Variants in COL15A1 observed in about 807,000 individuals in gnomAD.
The protein encoded by COL15A1 is collagen alpha-1(XV) chain.
In COL15A1, 111 loss-of-function variants were observed where a neutral mutation model predicts 165.9. The observed-to-expected ratio is 0.67, with a 90% CI of 0.57 to 0.78. The LOEUF is 0.78. Ranked by LOEUF, COL15A1 falls within the 30% of genes least tolerant of loss-of-function variation. The pLI is 0.00. For missense variants in COL15A1, 1,745 were observed against 1,789.7 expected (o/e 0.98, Z 0.45); for synonymous variants, 659 against 674.8 (o/e 0.98, Z 0.36).
rs761706787 is a variant in COL15A1, at chr9:98,987,369, G to A, written c.723+1G>A. 1.2e-6 allele frequency: 2 copies of A among 1,609,540 alleles called. No individual in the cohort carries two copies. Among genetic ancestry groups the A allele is most frequent in the African/African-American group, 2.7e-5 (2 of 74,680 alleles). On this transcript the variant is annotated splice_donor_variant, in intron 4 of 41. Coordinates refer to ENST00000375001, the MANE Select transcript of COL15A1 (RefSeq NM_001855.5). LOFTEE classifies it high-confidence loss of function. ...GCTGTGTGACCCTGAAGAGTCCTCG[G>A]TGAGCTCCCCTACTATCCCACAGTG...
At chr9:98,977,839 G>A (rs1838165932) in intron 2 of COL15A1, among the ~76,000 whole-genome samples, 2 of 152,234 alleles carry the variant, frequency 1.3e-5, no homozygotes, top group South Asian at 2.1e-4. Flanking sequence ...AAGTGGGCAG[G>A]GACCTCCCCT....
intron 8 of COL15A1, 103 bp from the exon 9 acceptor site, chr9:99,004,795 G>C: frequency 7.8e-7 from 1 of 1,275,650 alleles, no homozygotes; most frequent in South Asian, 1.3e-5. Context: ...TGAGGTCTTG[G>C]TGTGCAGGTG....
intron 17 of COL15A1, 132 bp from the exon 18 acceptor site, chr9:99,034,882 T>C (rs1839270802): frequency 1.1e-6 from 1 of 904,800 alleles, no homozygotes; most frequent in African/African-American, 1.6e-5. Flanking sequence ...TTCTGTACCA[T>C]TAAGTGGTAC....
chr9:99,036,203 A>C lies in COL15A1; in HGVS notation c.2323A>C (p.Lys775Gln), dbSNP rs139815955. The C allele has an allele frequency of 2.3e-4, 373 of 1,612,944 alleles. No homozygotes were observed. Among genetic ancestry groups the C allele is most frequent in the Middle Eastern group, 8.3e-4 (5 of 6,048 alleles). ...AGGAGAGAAAGGAGACCGGGGACCCAAGGTGAGGTCACAGAGCCAAGGTGG... is the reference window on the plus strand; with the variant it reads ...AGGAGAGAAAGGAGACCGGGGACCCCAGGTGAGGTCACAGAGCCAAGGTGG... ...LKGEKGDRGP[K>Q]GERGMDGASI... is the part of the protein sequence containing the mutation. The change falls in exon 20 of 42, where the codon AAG (lysine) becomes CAG (glutamine). Residue 775 changes from lysine to glutamine, a missense_variant and splice_region_variant. Physicochemically the swap from Lys to Gln is moderately conservative, Grantham distance 53. Coordinates refer to ENST00000375001, the MANE Select transcript of COL15A1 (RefSeq NM_001855.5).
intron 8 of COL15A1, 138 bp downstream of exon 8, chr9:99,003,725 G>T: frequency 4.4e-6 from 4 of 910,774 alleles, no homozygotes; most frequent in Non-Finnish European, 6.2e-6. Context: ...GTCGGAGTAA[G>T]CACTAAATAG....
chr9:99,020,384 T>C lies in COL15A1; in HGVS notation c.1648-5T>C. On this transcript the variant is annotated splice_polypyrimidine_tract_variant and splice_region_variant and intron_variant, in intron 11 of 41. Transcript: ENST00000375001. Reference sequence around the variant, plus strand: ...CCACGTTTTAACCAAATCTTCTTCTTTTAGGCTCAAAGAGAACATGTGGGA... The same window carrying C: ...CCACGTTTTAACCAAATCTTCTTCTCTTAGGCTCAAAGAGAACATGTGGGA... The C allele has an allele frequency of 6.2e-7, 1 of 1,612,306 alleles. No homozygotes were observed. The highest frequency in any genetic ancestry group is 8.5e-7 in the Non-Finnish European group (1 of 1,178,374).
chr9:99,019,280 G>A (rs932284649), intron 11 of COL15A1, among the ~76,000 whole-genome samples: 3 of 152,076 alleles, frequency 2.0e-5, no homozygotes, highest in East Asian at 3.9e-4. Flanking sequence ...TGCAACCTCC[G>A]CCTCTTAGGC....
intron 2 of COL15A1, among the ~76,000 whole-genome samples, chr9:98,959,972 T>A (rs1014531258): frequency 1.3e-5 from 2 of 152,202 alleles, no homozygotes; most frequent in African/African-American, 4.8e-5. Flanking sequence ...TGACCATGCA[T>A]GTTCCCTTCT....
chr9:99,036,848 G>A (rs1839310841), intron 21 of COL15A1, among the ~76,000 whole-genome samples: 2 of 152,184 alleles, frequency 1.3e-5, no homozygotes, highest in South Asian at 4.1e-4. Context: ...CTTGCCCATG[G>A]GTTGCCAGAT....
rs570291338 is a variant in COL15A1 at position 99,023,410 on chromosome 9, T to C, written c.1815T>C (p.Ser605=). The C allele has an allele frequency of 1.2e-5, 19 of 1,578,468 alleles. No individual in the cohort carries two copies. The South Asian group carries it at 2.1e-4, about 18-fold the overall frequency. ...SGLGWGSDVG[S]GSGDLVGSEQ... Reference sequence around the variant, plus strand: ...TAGGCTGGGGCTCGGACGTCGGCTCTGGCTCTGGTGACCTGGTGGGCAGTG... The same window carrying C: ...TAGGCTGGGGCTCGGACGTCGGCTCCGGCTCTGGTGACCTGGTGGGCAGTG... The change falls in exon 14 of 42, where the codon TCT becomes TCC. Residue 605 remains serine (S), a synonymous_variant. Coordinates refer to ENST00000375001, the MANE Select transcript of COL15A1 (RefSeq NM_001855.5).
chr9:99,028,292 G>C (rs1839162027), intron 16 of COL15A1, among the ~76,000 whole-genome samples: 1 of 152,078 alleles, frequency 6.6e-6, no homozygotes, highest in Non-Finnish European at 1.5e-5. Context: ...ATCAAAACAT[G>C]ATGCTCATTA....
At chr9:99,057,994 TGTGGGAGAG>T (rs1215413385) in intron 35 of COL15A1, among the ~76,000 whole-genome samples, 2 of 152,202 alleles carry the variant, frequency 1.3e-5, no homozygotes, top group Non-Finnish European at 2.9e-5. Flanking sequence ...ACAGTCAACT[TGTGGGAGAG>T]GTAGATAAAC....
At chr9:99,018,134 T>A (rs1220591064) in intron 11 of COL15A1, among the ~76,000 whole-genome samples, 1 of 152,232 alleles carries the variant, frequency 6.6e-6, no homozygotes, top group African/African-American at 2.4e-5. Flanking sequence ...TCTAACAAAA[T>A]GAGCAGGGGT....
chr9:98,966,739 A>C (rs867171044), intron 2 of COL15A1, among the ~76,000 whole-genome samples: 7 of 146,876 alleles, frequency 4.8e-5, no homozygotes, highest in Non-Finnish European at 4.5e-5. Flanking sequence ...GCTTAGGGAG[A>C]GGGGATTGCA....
At chr9:98,964,340 T>C (rs1178604594) in intron 2 of COL15A1, among the ~76,000 whole-genome samples, 1 of 152,238 alleles carries the variant, frequency 6.6e-6, no homozygotes, top group East Asian at 1.9e-4. Context: ...TGTCAAGCTG[T>C]ACTTTCATCT....
At chr9:99,025,094 G>A (rs565378786) in intron 15 of COL15A1, 95 bp downstream of exon 15, 228 of 1,010,590 alleles carry the variant, frequency 2.3e-4, no homozygotes, top group Admixed American at 6.4e-4. Flanking sequence ...CACTGTCCAA[G>A]GTTCGCGATG....
rs757268197 is a variant in COL15A1, at chr9:99,024,829, T to A, written c.1855-45T>A. 5 of 1,589,528 alleles carry A rather than the reference T, an allele frequency of 3.1e-6. No individual in the cohort carries two copies. The Admixed American group carries it at 5.4e-5, about 17-fold the overall frequency. On this transcript the variant is annotated intron_variant, in intron 14 of 41. Coordinates refer to ENST00000375001, the MANE Select transcript of COL15A1 (RefSeq NM_001855.5). ...CATGAAGCACATACTCAGTATCTCA[T>A]TCGGTATTCCCCCACTGTTTCTAAC...
rs75709686 is a variant in COL15A1, at chr9:99,009,236, C to G, written c.1353+4186C>G. The stretch of plus-strand genomic sequence containing the variant: ...ACTGTGGATGACAAAAGTGTTGAAA[C>G]AGTCATAGTTAAAGACACAATTGAC... On this transcript the variant is annotated intron_variant, in intron 9 of 41. Coordinates refer to ENST00000375001, the MANE Select transcript of COL15A1 (RefSeq NM_001855.5). 2.6e-3 allele frequency among the ~76,000 whole-genome samples: 390 copies of G among 152,316 alleles called. 4 individuals are homozygous for G. In the East Asian group the frequency reaches 0.044, roughly 17 times the overall value.
At position 99,069,754 on chromosome 9, in the gene COL15A1, G is replaced by A. The variant is rs929599493; in HGVS notation, c.4035G>A (p.Ala1345=). ...VDNYCEAWRT[A]DTAVTGLASP... The stretch of plus-strand genomic sequence containing the variant: ...ACTACTGTGAAGCATGGCGAACCGC[G>A]GACACAGCGGTCACGGGACTTGCCT... The change falls in exon 42 of 42, where the codon GCG becomes GCA. Residue 1345 remains alanine (A), a synonymous_variant. Transcript: ENST00000375001. 35 of 1,614,100 alleles carry A rather than the reference G, an allele frequency of 2.2e-5. No homozygotes were observed. Among genetic ancestry groups the A allele is most frequent in the Admixed American group, 2.0e-4 (12 of 60,014 alleles).
Sources: allele counts gnomAD v4.1 joint callset (sites outside exome capture counted in the v4.1 genomes callset), GRCh38; gene constraint gnomAD v4.1.1; transcripts MANE v1.5; gene names NCBI Gene and HGNC (gene_info 2026-07-23, HGNC 2026-07-21).